The following KCNIP4 variants were observed in gnomAD, a reference collection of about 807,000 sequenced individuals.
KCNIP4 encodes Kv channel-interacting protein 4.
A neutral mutation model predicts 34.0 loss-of-function variants in KCNIP4; 12 were observed. That is an observed-to-expected ratio of 0.35 (90% CI 0.23 to 0.57). The LOEUF is 0.57. Among genes scored for constraint, KCNIP4 ranks in the 20% least tolerant of loss-of-function variants. KCNIP4 has a pLI of 0.83. For synonymous variants in KCNIP4, 124 were observed against 102.2 expected (o/e 1.21, Z -1.29); for missense variants, 238 against 311.7 (o/e 0.76, Z 1.78).
intron 3 of KCNIP4, among the ~76,000 whole-genome samples, chr4:20,799,901 A>G (rs1185220846): frequency 1.3e-5 from 2 of 152,192 alleles, no homozygotes; most frequent in Non-Finnish European, 2.9e-5. Flanking sequence ...GAACATAGCT[A>G]TATTACAGCC....
chr4:21,409,939 A>G (rs886972510), intron 1 of KCNIP4, among the ~76,000 whole-genome samples: 1 of 152,212 alleles, frequency 6.6e-6, no homozygotes, highest in Non-Finnish European at 1.5e-5. Flanking sequence ...ATGAAAAACA[A>G]TGAGCATGAG....
chr4:20,751,118 C>CACA (rs1560434578), intron 4 of KCNIP4, among the ~76,000 whole-genome samples: 1 of 152,124 alleles, frequency 6.6e-6, no homozygotes, highest in African/African-American at 2.4e-5. Context: ...GTAGACTGTA[C>CACA]ACTCAATTTC....
intron 1 of KCNIP4, among the ~76,000 whole-genome samples, chr4:21,944,977 C>G (rs1730423869): frequency 6.6e-6 from 1 of 152,062 alleles, no homozygotes; most frequent in Non-Finnish European, 1.5e-5. Context: ...CTCATCTCCC[C>G]ACAACCCCCT....
At chr4:21,374,043 C>T (rs567979286) in intron 1 of KCNIP4, among the ~76,000 whole-genome samples, 1 of 147,508 alleles carries the variant, frequency 6.8e-6, no homozygotes, top group East Asian at 2.0e-4. Flanking sequence ...AACATTAGCA[C>T]TATGTTAGTA....
At chr4:21,496,994 A>T (rs1015011403) in intron 1 of KCNIP4, among the ~76,000 whole-genome samples, 11 of 152,156 alleles carry the variant, frequency 7.2e-5, no homozygotes, top group Non-Finnish European at 1.3e-4. Context: ...TTTCTCTCTA[A>T]GGGGCATGTG....
At chr4:21,443,751 A>G (rs1377002003) in intron 1 of KCNIP4, among the ~76,000 whole-genome samples, 1 of 152,090 alleles carries the variant, frequency 6.6e-6, no homozygotes, top group African/African-American at 2.4e-5. Context: ...TGGGCAACAT[A>G]GTGAGACTCC....
At chr4:21,054,197 C>T (rs771689876) in intron 1 of KCNIP4, among the ~76,000 whole-genome samples, 5 of 152,034 alleles carry the variant, frequency 3.3e-5, no homozygotes, top group Non-Finnish European at 7.4e-5. Flanking sequence ...TGGCACCACT[C>T]AACTTCAAGA....
chr4:21,074,151 T>C (rs1294952158), intron 1 of KCNIP4, among the ~76,000 whole-genome samples: 6 of 152,194 alleles, frequency 3.9e-5, no homozygotes, highest in Non-Finnish European at 7.3e-5. Flanking sequence ...GCTGGCCTCA[T>C]AAAATGAGTT....
At chr4:21,574,530 G>A (rs1393873809) in intron 1 of KCNIP4, among the ~76,000 whole-genome samples, 4 of 151,986 alleles carry the variant, frequency 2.6e-5, no homozygotes, top group Admixed American at 2.0e-4. Context: ...GAGATGTTCG[G>A]CAGCCTTTTA....
chr4:21,233,633 T>G (rs1359895123), intron 1 of KCNIP4, among the ~76,000 whole-genome samples: 2 of 151,650 alleles, frequency 1.3e-5, no homozygotes, highest in Non-Finnish European at 2.9e-5. Flanking sequence ...AGAACACATT[T>G]CTTTCTCAGT....
intron 1 of KCNIP4, among the ~76,000 whole-genome samples, chr4:21,067,083 C>T (rs887910509): frequency 2.0e-5 from 3 of 152,108 alleles, no homozygotes; most frequent in Non-Finnish European, 4.4e-5. Flanking sequence ...GACAGCGCAC[C>T]GGACAGAGTC....
chr4:20,764,709 A>ACACACACACAC (rs1553892155), intron 3 of KCNIP4, among the ~76,000 whole-genome samples: 2 of 92,598 alleles, frequency 2.2e-5, no homozygotes, highest in Admixed American at 2.3e-4. Flanking sequence ...CACACACACA[A>ACACACACACAC]CCCCATGAAC....
chr4:21,489,692 T>G (rs756657993), intron 1 of KCNIP4, among the ~76,000 whole-genome samples: 19 of 152,098 alleles, frequency 1.2e-4, no homozygotes, highest in Non-Finnish European at 1.9e-4. Flanking sequence ...CTTTGGAAAT[T>G]GCTTTAGTGA....
chr4:21,403,877 G>T (rs1723748101), intron 1 of KCNIP4, among the ~76,000 whole-genome samples: 1 of 152,150 alleles, frequency 6.6e-6, no homozygotes, highest in Non-Finnish European at 1.5e-5. Context: ...GCTCTGTTCT[G>T]CTTCTTTTAT....
intron 1 of KCNIP4, among the ~76,000 whole-genome samples, chr4:21,547,535 A>G (rs1362856843): frequency 1.3e-5 from 2 of 151,958 alleles, no homozygotes; most frequent in Non-Finnish European, 2.9e-5. Context: ...AGCTGGAAGC[A>G]TTATCTCTCC....
chr4:20,749,155 CAAAAA>C (rs1553888859), intron 5 of KCNIP4, among the ~76,000 whole-genome samples: 2 of 129,010 alleles, frequency 1.6e-5, no homozygotes, highest in African/African-American at 2.7e-5. Flanking sequence ...GAGACTCTTT[CAAAAA>C]AAAAAAAAAA....
chr4:21,863,021 T>C (rs945671055), intron 1 of KCNIP4, among the ~76,000 whole-genome samples: 1 of 152,178 alleles, frequency 6.6e-6, no homozygotes, highest in Non-Finnish European at 1.5e-5. Flanking sequence ...AGTGATTTTT[T>C]TTCCCATACT....
At chr4:20,803,772 C>A (rs13105988) in intron 3 of KCNIP4, among the ~76,000 whole-genome samples, 64,616 of 139,880 alleles carry the variant, frequency 0.46, 15,174 homozygotes, top group East Asian at 0.69. Flanking sequence ...GAAGGAAGGA[C>A]GGAAAATAGA....
chr4:21,807,300 C>T (rs760450285), intron 1 of KCNIP4, among the ~76,000 whole-genome samples: 9 of 152,130 alleles, frequency 5.9e-5, no homozygotes, highest in Non-Finnish European at 1.0e-4. Flanking sequence ...GACTGCGACT[C>T]GTCCATGGCC....
Sources: allele counts gnomAD v4.1 joint callset (sites outside exome capture counted in the v4.1 genomes callset), GRCh38; gene constraint gnomAD v4.1.1; transcripts MANE v1.5; gene names NCBI Gene and HGNC (gene_info 2026-07-23, HGNC 2026-07-21).